Variants in FN3K observed in about 807,000 individuals in gnomAD.
FN3K encodes the protein fructosamine-3-kinase.
In FN3K, 24 loss-of-function variants were observed where a neutral mutation model predicts 24.8. That is an observed-to-expected ratio of 0.97 (90% CI 0.70 to 1.36). The LOEUF (loss-of-function observed/expected upper bound fraction) is 1.36. Ranked by LOEUF, FN3K falls within the 40% of genes most tolerant of loss-of-function variation. The probability of loss-of-function intolerance (pLI) is 0.00; values close to 1 mark genes in which losing one functional copy is unlikely to be tolerated. For missense variants in FN3K, 449 were observed against 416.7 expected (o/e 1.08, Z -0.67); for synonymous variants, 192 against 175.2 (o/e 1.10, Z -0.76).
In FN3K at chr17:82,741,294, A is replaced by G; in HGVS notation, c.386-17A>G. 3 of 1,612,254 alleles carry G rather than the reference A, an allele frequency of 1.9e-6. No individual in the cohort carries two copies. Among genetic ancestry groups the G allele is most frequent in the African/African-American group, 1.3e-5 (1 of 74,994 alleles). ...AAAGACAAACAGCTCCTTCAGGCCA[A>G]GGATCTCTGTCAACAGGCCGAAGAG... On this transcript the variant is annotated splice_polypyrimidine_tract_variant and intron_variant, in intron 3 of 5. Transcript: ENST00000300784.
At chr17:82,742,743 T>C (rs1465801129) in intron 4 of FN3K, 2 of 455,946 alleles carry the variant, frequency 4.4e-6, no homozygotes, top group African/African-American at 4.0e-5. Flanking sequence ...TTGGACCATA[T>C]TTTGGTTTTG....
At chr17:82,748,141 T>C (rs1211751731) in intron 4 of FN3K, among the ~76,000 whole-genome samples, 1 of 144,144 alleles carries the variant, frequency 6.9e-6, no homozygotes, top group Non-Finnish European at 1.5e-5. Context: ...ACTCTAGCTT[T>C]CTTTTTTTTT....
chr17:82,748,834 C>T (rs2046983200), intron 4 of FN3K, 21 bp from the exon 5 acceptor site: 1 of 1,606,814 alleles, frequency 6.2e-7, no homozygotes, highest in East Asian at 2.2e-5. Flanking sequence ...CAACAGTGGC[C>T]TCTTTTCCCT....
chr17:82,748,855 G>A lies in FN3K; in HGVS notation c.469G>A (p.Val157Met). The A allele has an allele frequency of 6.2e-7, 1 of 1,612,558 alleles. No individual in the cohort carries two copies. The change falls in exon 5 of 6, where the codon GTG becomes ATG. Residue 157 changes from valine (V) to methionine (M), a missense_variant and splice_region_variant. Val to Met is a conservative substitution (Grantham distance 21). Transcript: ENST00000300784. ...TGGCCTCTTTTCCCTTGTTGTCCAG[G>A]TGAATGAGTGGCAGGATGACTGGCC... ...TVTCCGFIPQ[V>M]NEWQDDWPTF... is the part of the protein sequence containing the mutation.
rs1296388148 is a variant in FN3K at position 82,741,486 on chromosome 17, A to G, written c.468+93A>G. ...AATGCTAATCTCCCAAGCACCAGCA[A>G]GATTGACTACTTGATTTCTGAAAGC... On this transcript the variant is annotated intron_variant, in intron 4 of 5. Transcript: ENST00000300784. The G allele has an allele frequency of 4.3e-6, 5 of 1,150,980 alleles. No individual in the cohort carries two copies. In the African/African-American group the frequency reaches 6.1e-5, roughly 14 times the overall value. The allele number at this position is 1,150,980 out of a possible 1,614,324, so 71.3% of individuals were successfully genotyped here.
At chr17:82,738,379 C>A in intron 1 of FN3K, 110 bp from the exon 2 acceptor site, 3 of 1,443,376 alleles carry the variant, frequency 2.1e-6, no homozygotes, top group Non-Finnish European at 2.9e-6. Context: ...AGCCAGCTAT[C>A]AGTGAATGAA....
At position 82,741,314 on chromosome 17, in the gene FN3K, G is replaced by A. The variant is rs758064945; in HGVS notation, c.389G>A (p.Arg130Gln). The change falls in exon 4 of 6, where the codon CGA (arginine) becomes CAA (glutamine). Residue 130 changes from arginine (R) to glutamine (Q), a missense_variant. Transcript: ENST00000300784. ...GGCCAAGGATCTCTGTCAACAGGCC[G>A]AAGAGGTGAGGGTGCTGAGCCTCAG... Reference protein sequence around the residue: ...KLKEEENTVGRRGEGAEPQYV... With the variant: ...KLKEEENTVGQRGEGAEPQYV... 2.3e-5 allele frequency: 37 copies of A among 1,613,606 alleles called. No homozygotes were observed. Among genetic ancestry groups the A allele is most frequent in the Admixed American group, 8.3e-5 (5 of 59,978 alleles).
intron 4 of FN3K, among the ~76,000 whole-genome samples, chr17:82,744,728 G>C (rs1482632587): frequency 6.6e-6 from 1 of 152,218 alleles, no homozygotes; most frequent in South Asian, 2.1e-4. Context: ...GTGTTTCTCC[G>C]AGAGGGGGAT....
At chr17:82,747,103 G>T (rs1473274313) in intron 4 of FN3K, among the ~76,000 whole-genome samples, 1 of 151,986 alleles carries the variant, frequency 6.6e-6, no homozygotes, top group African/African-American at 2.4e-5. Context: ...GATTACAGGT[G>T]TGAGCCACCG....
intron 2 of FN3K, 137 bp from the exon 3 acceptor site, chr17:82,740,626 G>C (rs903112537): frequency 7.7e-6 from 5 of 653,562 alleles, no homozygotes; most frequent in Non-Finnish European, 1.1e-5. Flanking sequence ...AAGAGTCATT[G>C]CCTGGTGTTC....
Position 82,741,406 on chromosome 17 carries a change from G to T in FN3K, c.468+13G>T, listed in dbSNP as rs1342318219. On this transcript the variant is annotated intron_variant, in intron 4 of 5. Transcript: ENST00000300784. ...CTTCATCCCGCAGGTGAGTGCCTGG[G>T]TGAGGGTGTTCCCTGATGCCCTAAT... The T allele has an allele frequency of 6.2e-7, 1 of 1,611,184 alleles. No homozygotes were observed. Among genetic ancestry groups the T allele is most frequent in the Non-Finnish European group, 8.5e-7 (1 of 1,178,506 alleles).
chr17:82,738,396 T>G, intron 1 of FN3K, 93 bp from the exon 2 acceptor site: 2 of 1,550,822 alleles, frequency 1.3e-6, no homozygotes, highest in South Asian at 2.3e-5. Flanking sequence ...TGAAGGTCCT[T>G]GTGACTCCCA....
At chr17:82,749,038 G>C in intron 5 of FN3K, 61 bp downstream of exon 5, 1 of 1,610,850 alleles carries the variant, frequency 6.2e-7, no homozygotes, top group Non-Finnish European at 8.5e-7. Context: ...CGCCGCATTT[G>C]TGCGGGTTCA....
rs946192909 is a variant in FN3K at position 82,750,461 on chromosome 17, G to C, written c.636G>C (p.Ala212=). The change falls in exon 6 of 6, where the codon GCG becomes GCC. Residue 212 remains alanine (A), a synonymous_variant. Transcript: ENST00000300784. ...DLFCGLEIVP[A]LLHGDLWSGN... ...TTTGTGGCCTAGAGATTGTCCCCGC[G>C]TTGCTCCACGGGGATCTCTGGTCGG... 3 of 1,614,044 alleles carry C rather than the reference G, an allele frequency of 1.9e-6. No homozygotes were observed. The highest frequency in any genetic ancestry group is 8.5e-7 in the Non-Finnish European group (1 of 1,180,028).
intron 5 of FN3K, chr17:82,749,187 C>T: frequency 1.5e-6 from 1 of 680,060 alleles, no homozygotes; most frequent in Non-Finnish European, 2.6e-6. Context: ...CCTCGTGCCC[C>T]TCTCCACTGC....
chr17:82,749,895 TA>T (rs2046991443), intron 5 of FN3K: 3 of 178,732 alleles, frequency 1.7e-5, no homozygotes, highest in Admixed American at 5.4e-5. Flanking sequence ...CCATCTCTAC[TA>T]AAAATACAAA....
Position 82,750,871 on chromosome 17 carries a change from CCTCCGT to C in FN3K, c.*121_*126del, listed in dbSNP as rs2047022689. On this transcript the variant is annotated 3_prime_UTR_variant, in exon 6 of 6. Transcript: ENST00000300784. ...GTCCCCCTGTTCCCGTCTCCCCGTCCCTCCGTCTCCATCCCCCCGTCCCCCCATCCT... is the reference window on the plus strand; with the variant it reads ...GTCCCCCTGTTCCCGTCTCCCCGTCCCTCCATCCCCCCGTCCCCCCATCCT... 4.3e-6 allele frequency: 3 copies of C among 692,652 alleles called. No homozygotes were observed. Among genetic ancestry groups the C allele is most frequent in the African/African-American group, 2.5e-5 (1 of 39,968 alleles). 42.9% of individuals were successfully genotyped at this position (692,652 alleles called of 1,614,324 possible).
chr17:82,745,976 C>A (rs191793016), intron 4 of FN3K, among the ~76,000 whole-genome samples: 3 of 151,764 alleles, frequency 2.0e-5, no homozygotes. Context: ...CGCCTGTAGT[C>A]CCAGCTACTT....
intron 4 of FN3K, among the ~76,000 whole-genome samples, chr17:82,746,926 G>A (rs2451224): frequency 0.47 from 70,977 of 151,782 alleles, 16,926 homozygotes; most frequent in East Asian, 0.58. Flanking sequence ...CTGGGTTCAA[G>A]CGATTCTCCT....
Sources: allele counts gnomAD v4.1 joint callset (sites outside exome capture counted in the v4.1 genomes callset), GRCh38; gene constraint gnomAD v4.1.1; transcripts MANE v1.5; gene names NCBI Gene and HGNC (gene_info 2026-07-23, HGNC 2026-07-21).